Variants in DENND2B observed in about 807,000 individuals in gnomAD.
DENND2B encodes DENN domain containing 2B.
Under a neutral mutation model 116.0 loss-of-function variants are expected in DENND2B, and 32 were observed. The observed-to-expected ratio is 0.28, with a 90% CI of 0.21 to 0.37. The LOEUF is 0.37. Among genes scored for constraint, DENND2B ranks in the 10% least tolerant of loss-of-function variants. DENND2B has a pLI of 1.00. For synonymous variants in DENND2B, 588 were observed against 583.9 expected (o/e 1.01, Z -0.10); for missense variants, 1,276 against 1,477.7 (o/e 0.86, Z 2.24).
At position 8,712,091 on chromosome 11, in the gene DENND2B, A is replaced by C; in HGVS notation, c.2172+460T>G. 2.4e-6 allele frequency: 1 copy of C among 417,182 alleles called. No homozygotes were observed. Among genetic ancestry groups the C allele is most frequent in the South Asian group, 1.7e-5 (1 of 60,390 alleles). 25.8% of individuals were successfully genotyped at this position (417,182 alleles called of 1,614,324 possible). A position where few individuals can be genotyped will look rare whatever the true frequency, so the allele number is the denominator to read the frequency against. On this transcript the variant is annotated intron_variant, in intron 9 of 19. Coordinates refer to ENST00000313726, the MANE Select transcript of DENND2B (RefSeq NM_213618.2). The surrounding 1 kb of genome is among the most constrained non-coding windows in gnomAD (Gnocchi z 4.4). ...GTTGAGTGTGAGAGGAAGAAGAGGG[A>C]GGCCAGGCTGGCTGGCGACAAGCAG...
intron 4 of DENND2B, among the ~76,000 whole-genome samples, chr11:8,815,705 T>C (rs533235534): frequency 6.6e-6 from 1 of 152,370 alleles, no homozygotes; most frequent in East Asian, 1.9e-4. Context: ...AGTTTAAAGA[T>C]GCCTTTACTA....
chr11:8,778,261 C>T (rs1022945041), intron 1 of DENND2B, among the ~76,000 whole-genome samples: 1 of 152,224 alleles, frequency 6.6e-6, no homozygotes, highest in Non-Finnish European at 1.5e-5. Context: ...TCTTTGAAGC[C>T]TGTGGCATCC....
At chr11:8,763,379 T>C (rs953000529) in intron 1 of DENND2B, among the ~76,000 whole-genome samples, 1 of 152,114 alleles carries the variant, frequency 6.6e-6, no homozygotes, top group Non-Finnish European at 1.5e-5. Context: ...AGCAATTCCT[T>C]TCTTAGTTTT....
At chr11:8,829,232 TAAGAGGAGGTGG>T (rs1403551507) in intron 4 of DENND2B, among the ~76,000 whole-genome samples, 6 of 151,878 alleles carry the variant, frequency 4.0e-5, no homozygotes, top group African/African-American at 1.2e-4. Context: ...GCATATGTTG[TAAGAGGAGGTGG>T]GAGAGGAGTG....
chr11:8,739,291 A>G (rs1347753806), intron 2 of DENND2B, among the ~76,000 whole-genome samples: 1 of 152,006 alleles, frequency 6.6e-6, no homozygotes, highest in Non-Finnish European at 1.5e-5. Context: ...GCCCTCTCCC[A>G]CTAGGCACGA....
At chr11:8,857,837 C>G (rs2063248375) in intron 2 of DENND2B, among the ~76,000 whole-genome samples, 1 of 152,216 alleles carries the variant, frequency 6.6e-6, no homozygotes, top group Non-Finnish European at 1.5e-5. Context: ...TGTCTATAAA[C>G]AGAAAGATTG....
At chr11:8,805,791 T>C (rs2060785622) in intron 1 of DENND2B, among the ~76,000 whole-genome samples, 1 of 152,252 alleles carries the variant, frequency 6.6e-6, no homozygotes, top group South Asian at 2.1e-4. Context: ...TAACATGACA[T>C]AGATGGGAGT....
upstream of DENND2B, among the ~76,000 whole-genome samples, chr11:8,874,937 T>C (rs760652728): frequency 4.0e-5 from 6 of 150,102 alleles, no homozygotes; most frequent in Non-Finnish European, 7.4e-5. Context: ...AGAAAAGGTA[T>C]TGGGGCTGTG....
chr11:8,792,110 C>T (rs2059433975), intron 1 of DENND2B, among the ~76,000 whole-genome samples: 1 of 151,840 alleles, frequency 6.6e-6, no homozygotes, highest in Non-Finnish European at 1.5e-5. Flanking sequence ...GAGGCTGAGG[C>T]AGGAGAATTG....
intron 1 of DENND2B, among the ~76,000 whole-genome samples, chr11:8,797,297 A>T (rs1357031969): frequency 6.6e-6 from 1 of 152,216 alleles, no homozygotes; most frequent in African/African-American, 2.4e-5. Context: ...CTAACCTAAA[A>T]TCTGCAGAAA....
At position 8,879,331 on chromosome 11, in the gene DENND2B, C is replaced by A. The variant is rs536335164; in HGVS notation, c.-156+1679G>T. ...AATAAACCAATACCTCCCTACTGAT[C>A]CATGCTGGCCATGCTGGATATGTAT... On this transcript the variant is annotated intron_variant, in intron 2 of 22. Transcript: ENST00000534127. Among the ~76,000 whole-genome samples the A allele has an allele frequency of 2.0e-5, 3 of 152,324 alleles. No homozygotes were observed. The East Asian group carries it at 5.8e-4, about 29-fold the overall frequency.
intron 1 of DENND2B, among the ~76,000 whole-genome samples, chr11:8,799,048 C>G (rs1400634015): frequency 2.6e-5 from 4 of 152,156 alleles, no homozygotes; most frequent in African/African-American, 9.7e-5. Flanking sequence ...TCTTGAACTC[C>G]TGACCTCAAG....
upstream of DENND2B, chr11:8,810,821 T>TC (rs1473916225): frequency 6.6e-6 from 1 of 152,284 alleles, no homozygotes. Flanking sequence ...TCTCTCTCTC[T>TC]CTCTCTCTCT....
chr11:8,752,204 G>A (rs1047947664), intron 1 of DENND2B, among the ~76,000 whole-genome samples: 1 of 152,230 alleles, frequency 6.6e-6, no homozygotes, highest in Admixed American at 6.5e-5. Flanking sequence ...TGTAATCCCA[G>A]CACTTTGGGA....
At chr11:8,697,093 A>AGC (rs1336180699) in intron 17 of DENND2B, among the ~76,000 whole-genome samples, 1 of 152,218 alleles carries the variant, frequency 6.6e-6, no homozygotes, top group Non-Finnish European at 1.5e-5. Flanking sequence ...TTGTGCTCAT[A>AGC]GCCTTGTAAC....
At chr11:8,701,379 T>G (rs1423896231) in intron 14 of DENND2B, among the ~76,000 whole-genome samples, 2 of 124,842 alleles carry the variant, frequency 1.6e-5, no homozygotes, top group Admixed American at 8.9e-5. Flanking sequence ...ATGAATGACA[T>G]GCCTGGTCAA....
chr11:8,735,239 G>T (rs574216854), intron 2 of DENND2B, among the ~76,000 whole-genome samples: 1 of 152,116 alleles, frequency 6.6e-6, no homozygotes, highest in South Asian at 2.1e-4. Flanking sequence ...CCCTGACACC[G>T]TCACATAAGG....
intron 1 of DENND2B, among the ~76,000 whole-genome samples, chr11:8,897,240 G>A (rs901825924): frequency 1.3e-5 from 2 of 152,074 alleles, no homozygotes; most frequent in African/African-American, 4.8e-5. Context: ...CTGGGCAACA[G>A]AGCACGACAC....
intron 2 of DENND2B, among the ~76,000 whole-genome samples, chr11:8,863,688 T>C (rs541111742): frequency 6.6e-6 from 1 of 152,300 alleles, no homozygotes; most frequent in Non-Finnish European, 1.5e-5. Context: ...ATTCAATTAA[T>C]ATACTTTGAC....
Sources: allele counts gnomAD v4.1 joint callset (sites outside exome capture counted in the v4.1 genomes callset), GRCh38; gene constraint gnomAD v4.1.1; non-coding constraint Gnocchi (gnomAD v3.1); transcripts MANE v1.5; gene names NCBI Gene and HGNC (gene_info 2026-07-23, HGNC 2026-07-21).